TAFA2: variants seen among roughly 807,000 people sequenced by gnomAD.
TAFA2 encodes the protein chemokine-like protein TAFA-2.
Under a neutral mutation model 18.8 loss-of-function variants are expected in TAFA2, and 7 were observed. That is an observed-to-expected ratio of 0.37 (90% confidence interval 0.21 to 0.70). The LOEUF is 0.70. Among genes scored for constraint, TAFA2 ranks in the 30% least tolerant of loss-of-function variants. TAFA2 has a pLI of 0.53. For missense variants in TAFA2, 122 were observed against 158.1 expected, an observed-to-expected ratio of 0.77 and a Z score of 1.23; for synonymous variants, 60 against 54.2, an observed-to-expected ratio of 1.11 and a Z score of -0.47.
chr12:61,976,939 T>C (rs1036515527), intron 1 of TAFA2, among the ~76,000 whole-genome samples: 1 of 152,046 alleles, frequency 6.6e-6, no homozygotes, highest in Admixed American at 6.6e-5. Flanking sequence ...GACATTTGGG[T>C]TGGTTCCAAG....
At chr12:61,922,500 G>A (rs1314622757) in intron 1 of TAFA2, among the ~76,000 whole-genome samples, 4 of 152,174 alleles carry the variant, frequency 2.6e-5, no homozygotes, top group Non-Finnish European at 4.4e-5. Flanking sequence ...CAAGGGGTCG[G>A]GGAACCCCCT....
intron 1 of TAFA2, among the ~76,000 whole-genome samples, chr12:62,073,507 A>G (rs1341288339): frequency 1.3e-5 from 2 of 151,552 alleles, no homozygotes; most frequent in Non-Finnish European, 2.9e-5. Flanking sequence ...TCTTATCTAT[A>G]TATTATAGAT....
Position 62,061,708 on chromosome 12 carries a change from A to G in TAFA2, c.-2+129551T>C, listed in dbSNP as rs546302970. ...TAATTTTGGAAAGTAGAGGCACCAC[A>G]TGAATAAGTTAAACTATACTATGCC... On this transcript the variant is annotated intron_variant, in intron 1 of 4. Transcript: ENST00000416284. Among the ~76,000 whole-genome samples, 3 of 152,358 alleles carry G rather than the reference A, an allele frequency of 2.0e-5. No individual in the cohort carries two copies. The East Asian group carries it at 5.8e-4, about 29-fold the overall frequency.
intron 1 of TAFA2, among the ~76,000 whole-genome samples, chr12:62,153,668 C>CAA (rs58786792): frequency 1.4e-5 from 2 of 140,762 alleles, no homozygotes; most frequent in African/African-American, 2.6e-5. Flanking sequence ...GACCTTGTCT[C>CAA]AAAAAAAAAA....
chr12:61,836,563 TA>T (rs747006887), intron 2 of TAFA2, among the ~76,000 whole-genome samples: 2 of 151,712 alleles, frequency 1.3e-5, no homozygotes, highest in Non-Finnish European at 2.9e-5. Context: ...TAATCACTGC[TA>T]ATCTCAATTA....
At chr12:62,135,117 A>G (rs1042721521) in intron 1 of TAFA2, among the ~76,000 whole-genome samples, 4 of 152,040 alleles carry the variant, frequency 2.6e-5, no homozygotes, top group Non-Finnish European at 5.9e-5. Flanking sequence ...CCTCTTTTCC[A>G]TGGTAAGCTC....
chr12:61,872,071 T>TC (rs1874632350), intron 1 of TAFA2, among the ~76,000 whole-genome samples: 1 of 54,310 alleles, frequency 1.8e-5, no homozygotes, highest in Non-Finnish European at 3.7e-5. Context: ...CATTTAATTG[T>TC]TAAAAGCAAG....
At chr12:62,062,468 T>C (rs1882375928) in intron 1 of TAFA2, among the ~76,000 whole-genome samples, 2 of 152,092 alleles carry the variant, frequency 1.3e-5, no homozygotes, top group Admixed American at 6.5e-5. Context: ...ATTGAGTCAG[T>C]AGTACAGACG....
At chr12:61,969,415 C>T (rs1225510437) in intron 1 of TAFA2, among the ~76,000 whole-genome samples, 1 of 151,566 alleles carries the variant, frequency 6.6e-6, no homozygotes, top group African/African-American at 2.4e-5. Flanking sequence ...AATCCTGACT[C>T]GGTTTCTGAC....
chr12:61,914,583 T>G (rs1876743226), intron 1 of TAFA2, among the ~76,000 whole-genome samples: 1 of 152,186 alleles, frequency 6.6e-6, no homozygotes, highest in South Asian at 2.1e-4. Context: ...TAACAGCAAA[T>G]GTTAGACATG....
At chr12:61,880,806 C>G (rs1018526661) in intron 1 of TAFA2, 5 of 324,528 alleles carry the variant, frequency 1.5e-5, no homozygotes, top group South Asian at 1.2e-4. Context: ...CCTACTCCCC[C>G]CTGCAGCTGC....
chr12:61,963,550 G>T (rs983678312), intron 1 of TAFA2, among the ~76,000 whole-genome samples: 35 of 151,624 alleles, frequency 2.3e-4, no homozygotes, highest in African/African-American at 8.5e-4. Context: ...GTTGTTTAGG[G>T]TTTTTTTGTA....
chr12:61,928,833 C>T (rs1877422399), intron 1 of TAFA2, among the ~76,000 whole-genome samples: 1 of 151,530 alleles, frequency 6.6e-6, no homozygotes. Flanking sequence ...TGCTATGCAG[C>T]CAAAAAAAAC....
intron 4 of TAFA2, among the ~76,000 whole-genome samples, chr12:61,748,658 C>A (rs1265685882): frequency 2.6e-5 from 4 of 152,164 alleles, no homozygotes; most frequent in East Asian, 1.9e-4. Flanking sequence ...AAGAGTACAA[C>A]CTGAGGCTTT....
intron 1 of TAFA2, among the ~76,000 whole-genome samples, chr12:62,156,006 C>T (rs1304069616): frequency 2.6e-5 from 4 of 152,184 alleles, no homozygotes; most frequent in African/African-American, 9.6e-5. Flanking sequence ...AGTAAACAGA[C>T]AACCCACAGA....
chr12:61,836,756 T>TATATATATATATATATATATACACACAC (rs68158949), intron 2 of TAFA2, among the ~76,000 whole-genome samples: 2 of 119,848 alleles, frequency 1.7e-5, no homozygotes, highest in African/African-American at 5.6e-5. Context: ...TATATATATA[T>TATATATATATATATATATATACACACAC]ACACACACAC....
chr12:61,749,984 C>G (rs953627451), intron 4 of TAFA2, among the ~76,000 whole-genome samples: 1 of 143,606 alleles, frequency 7.0e-6, no homozygotes. Flanking sequence ...GAAAGAATAT[C>G]AAAACACCCC....
intron 1 of TAFA2, among the ~76,000 whole-genome samples, chr12:62,015,090 GA>G (rs1404007916): frequency 2.6e-5 from 4 of 152,170 alleles, no homozygotes; most frequent in African/African-American, 9.7e-5. Context: ...TCACAAATAT[GA>G]AAAGTTACTA....
intron 1 of TAFA2, among the ~76,000 whole-genome samples, chr12:62,188,630 G>T (rs1304672628): frequency 6.6e-6 from 1 of 152,014 alleles, no homozygotes; most frequent in Non-Finnish European, 1.5e-5. Flanking sequence ...TGCAATTAGT[G>T]ATAAATCATC....
Sources: allele counts gnomAD v4.1 joint callset (sites outside exome capture counted in the v4.1 genomes callset), GRCh38; gene constraint gnomAD v4.1.1; transcripts MANE v1.5; gene names NCBI Gene and HGNC (gene_info 2026-07-23, HGNC 2026-07-21).